The following AKAP9 variants were observed in gnomAD, a reference collection of about 807,000 sequenced individuals.
The protein encoded by AKAP9 is A-kinase anchoring protein 9, also known as A-kinase anchor protein 9.
In AKAP9, 311 loss-of-function variants were observed where a neutral mutation model predicts 488.5. The observed-to-expected ratio is 0.64, with a 90% confidence interval of 0.58 to 0.70. The LOEUF (loss-of-function observed/expected upper bound fraction) is 0.70. AKAP9 is among the 30% of genes least tolerant of loss of function. The pLI is 0.00. For synonymous variants in AKAP9, 1,462 were observed against 1,483.5 expected, an observed-to-expected ratio of 0.99 and a Z score of 0.33; for missense variants, 4,215 against 4,374.5, an observed-to-expected ratio of 0.96 and a Z score of 1.03.
chr7:91,995,608 G>A lies in AKAP9; in HGVS notation c.738G>A (p.Gln246=), dbSNP rs1460983721. Residue 246 remains glutamine (Q), a synonymous_variant, in exon 7 of 50, where the codon CAG becomes CAA. Transcript: ENST00000356239. The part of the protein sequence containing the change: ...QKLQIQFQQL[Q]ASETLRNSTH... ...AGGTTTCTTTCTATTTTCAGTTACAGGCTAGTGAAACTCTGAGAAACAGCA... is the reference window on the plus strand; with the variant it reads ...AGGTTTCTTTCTATTTTCAGTTACAAGCTAGTGAAACTCTGAGAAACAGCA... The A allele has an allele frequency of 6.8e-6, 11 of 1,613,786 alleles. No individual in the cohort carries two copies. Among genetic ancestry groups the A allele is most frequent in the Non-Finnish European group, 6.8e-6 (8 of 1,179,938 alleles).
chr7:92,068,085 G>T (rs1348527824), intron 26 of AKAP9, among the ~76,000 whole-genome samples: 1 of 152,080 alleles, frequency 6.6e-6, no homozygotes, highest in East Asian at 1.9e-4. Flanking sequence ...CCAGGGCTGG[G>T]CGTGATGGCT....
chr7:91,956,271 G>C (rs1286866416), intron 1 of AKAP9, among the ~76,000 whole-genome samples: 2 of 151,652 alleles, frequency 1.3e-5, no homozygotes, highest in Non-Finnish European at 2.9e-5. Flanking sequence ...GTGGTGGCAG[G>C]CGCCTGTGGT....
intron 7 of AKAP9, among the ~76,000 whole-genome samples, chr7:91,999,116 A>G (rs994784269): frequency 3.3e-5 from 5 of 152,220 alleles, no homozygotes; most frequent in African/African-American, 1.2e-4. Context: ...TATATAGTAC[A>G]GAATCTGGCC....
intron 1 of AKAP9, among the ~76,000 whole-genome samples, chr7:91,963,684 A>AT (rs1279940657): frequency 1.3e-5 from 2 of 151,852 alleles, no homozygotes; most frequent in African/African-American, 4.8e-5. Flanking sequence ...TGCCCGGCTA[A>AT]TTTTTTTGTA....
intron 1 of AKAP9, among the ~76,000 whole-genome samples, chr7:91,952,472 A>C (rs941052706): frequency 6.6e-6 from 1 of 152,196 alleles, no homozygotes; most frequent in Non-Finnish European, 1.5e-5. Context: ...ATCTGATTCT[A>C]TCTTGGCAGT....
intron 16 of AKAP9, among the ~76,000 whole-genome samples, chr7:92,034,498 A>AT (rs59961119): frequency 0.074 from 7,034 of 95,554 alleles, 615 homozygotes; most frequent in South Asian, 0.095. Flanking sequence ...ATATATATAT[A>AT]TTTTTTTTTT....
At chr7:91,982,395 A>G (rs774386558) in intron 3 of AKAP9, among the ~76,000 whole-genome samples, 19 of 151,856 alleles carry the variant, frequency 1.3e-4, no homozygotes, top group Non-Finnish European at 2.2e-4. Flanking sequence ...CCTGTGTCCA[A>G]GTGTTCTCAA....
At chr7:91,964,662 G>A (rs1334118055) in intron 1 of AKAP9, among the ~76,000 whole-genome samples, 1 of 152,042 alleles carries the variant, frequency 6.6e-6, no homozygotes, top group African/African-American at 2.4e-5. Context: ...ATGTTTGCCA[G>A]TTTTCTTTTA....
intron 21 of AKAP9, among the ~76,000 whole-genome samples, chr7:92,048,053 G>T (rs1347000842): frequency 2.0e-5 from 3 of 152,030 alleles, no homozygotes; most frequent in African/African-American, 7.2e-5. Context: ...AAACCTGAAA[G>T]AAAATACTGG....
chr7:91,978,861 G>A (rs1008116823), intron 2 of AKAP9, among the ~76,000 whole-genome samples: 3 of 150,380 alleles, frequency 2.0e-5, no homozygotes, highest in African/African-American at 7.3e-5. Context: ...GGCCCAAGCA[G>A]TTCTCCTGCC....
At chr7:92,106,510 A>C (rs548005705) in intron 47 of AKAP9, among the ~76,000 whole-genome samples, 5 of 152,220 alleles carry the variant, frequency 3.3e-5, no homozygotes, top group Non-Finnish European at 7.3e-5. Context: ...GGTTCAAGAC[A>C]GGATTGCTGT....
intron 27 of AKAP9, 41 bp downstream of exon 27, chr7:92,070,247 T>C: frequency 3.8e-6 from 6 of 1,586,462 alleles, no homozygotes; most frequent in Non-Finnish European, 5.2e-6. Flanking sequence ...AGTGTTTTAA[T>C]GAAGAATACT....
At chr7:92,003,411 T>TA (rs1446934915) in intron 8 of AKAP9, among the ~76,000 whole-genome samples, 176 bp downstream of exon 8, 2 of 152,038 alleles carry the variant, frequency 1.3e-5, no homozygotes, top group Non-Finnish European at 2.9e-5. Context: ...CTTTTTTTTT[T>TA]AAACCATTGT....
In AKAP9 at chr7:92,002,935, A is replaced by C; in HGVS notation, c.3018A>C (p.Ala1006=). ...AAATCATTATTAACCACAACAGGGC[A>C]GAAAATGTACAGTCATGTGATACTC... ...ELEIIINHNR[A]ENVQSCDTQV... is the part of the protein sequence containing the mutation. The change falls in exon 8 of 50, where the codon GCA becomes GCC. Residue 1006 remains alanine, a synonymous_variant. Coordinates refer to ENST00000356239, the MANE Select transcript of AKAP9 (RefSeq NM_005751.5). 6.2e-7 allele frequency: 1 copy of C among 1,611,882 alleles called. No homozygotes were observed. The highest frequency in any genetic ancestry group is 1.1e-5 in the South Asian group (1 of 90,532).
At chr7:92,073,994 G>A (rs2130850109) in intron 28 of AKAP9, among the ~76,000 whole-genome samples, 1 of 152,222 alleles carries the variant, frequency 6.6e-6, no homozygotes, top group East Asian at 1.9e-4. Flanking sequence ...CAAAAGCAAT[G>A]GCAACAAAAG....
At chr7:91,963,842 T>G (rs1302807954) in intron 1 of AKAP9, among the ~76,000 whole-genome samples, 1 of 152,178 alleles carries the variant, frequency 6.6e-6, no homozygotes, top group African/African-American at 2.4e-5. Context: ...TTGATAGTAA[T>G]ATGAGCATCA....
At chr7:91,954,118 A>G (rs1356567614) in intron 1 of AKAP9, among the ~76,000 whole-genome samples, 1 of 152,040 alleles carries the variant, frequency 6.6e-6, no homozygotes, top group Admixed American at 6.5e-5. Flanking sequence ...GCCATTGGAA[A>G]CTGGTGCCAT....
intron 12 of AKAP9, 132 bp downstream of exon 12, chr7:92,017,234 T>C: frequency 4.2e-6 from 3 of 710,592 alleles, no homozygotes; most frequent in Non-Finnish European, 7.4e-6. Flanking sequence ...AAGTGACATA[T>C]ATTTGTAGTA....
rs372941888 is a variant in AKAP9 at position 92,102,805 on chromosome 7, G to C, written c.11309G>C (p.Arg3770Thr). 21 of 1,614,056 alleles carry C rather than the reference G, an allele frequency of 1.3e-5. No homozygotes were observed. Among genetic ancestry groups the C allele is most frequent in the Non-Finnish European group, 1.8e-5 (21 of 1,180,048 alleles). ...TTCACCAGGTTTCGGTCGGCCGTCAGAGTATCCATTGCAATTTCCAGGTAA... is the reference window on the plus strand; with the variant it reads ...TTCACCAGGTTTCGGTCGGCCGTCACAGTATCCATTGCAATTTCCAGGTAA... ...KGFTRFRSAV[R>T]VSIAISRMKF... is the part of the protein sequence containing the mutation. The change falls in exon 46 of 50, where the codon AGA becomes ACA. Residue 3770 changes from arginine to threonine, a missense_variant. By Grantham distance (71) the Arg-to-Thr change is moderately conservative. Transcript: ENST00000356239.
Sources: allele counts gnomAD v4.1 joint callset (sites outside exome capture counted in the v4.1 genomes callset), GRCh38; gene constraint gnomAD v4.1.1; transcripts MANE v1.5; gene names NCBI Gene and HGNC (gene_info 2026-07-23, HGNC 2026-07-21).